Variants in COTL1 observed in about 807,000 individuals in gnomAD.
COTL1 encodes coactosin-like protein.
COTL1 carries 15 observed loss-of-function variants against 16.5 expected under a neutral mutation model. The observed-to-expected ratio is 0.91, with a 90% CI of 0.61 to 1.40. The LOEUF is 1.40. Among genes scored for constraint, COTL1 ranks in the 40% most tolerant of loss-of-function variants. The probability of loss-of-function intolerance (pLI) is 0.00; values close to 1 mark genes in which losing one functional copy is unlikely to be tolerated. For synonymous variants in COTL1, 112 were observed against 85.3 expected (o/e 1.31, Z -1.73); for missense variants, 220 against 201.5 (o/e 1.09, Z -0.56).
chr16:84,603,596 G>T (rs12927993), intron 2 of COTL1, among the ~76,000 whole-genome samples: 6 of 50,598 alleles, frequency 1.2e-4, no homozygotes, highest in Non-Finnish European at 2.3e-4. Flanking sequence ...CGCTAGGTGA[G>T]GATGATAAGG....
chr16:84,595,343 G>C (rs563003182), intron 2 of COTL1: 1 of 152,356 alleles, frequency 6.6e-6, no homozygotes, highest in Admixed American at 6.5e-5. Context: ...TTTGCTGCTA[G>C]AGATCTGGCA....
intron 3 of COTL1, chr16:84,568,845 C>A (rs1904309793): frequency 6.6e-6 from 1 of 152,178 alleles, no homozygotes. Context: ...GGTGAGGAAA[C>A]AAAGGCTGGA....
intron 3 of COTL1, among the ~76,000 whole-genome samples, chr16:84,584,116 C>T (rs1228135461): frequency 3.3e-5 from 5 of 152,206 alleles, no homozygotes; most frequent in African/African-American, 7.2e-5. Context: ...ACGATAGGAG[C>T]GAGGTTCTGT....
chr16:84,607,953 G>C (rs772589281), intron 2 of COTL1, among the ~76,000 whole-genome samples: 1 of 152,180 alleles, frequency 6.6e-6, no homozygotes, highest in Non-Finnish European at 1.5e-5. Context: ...AGAATGACAG[G>C]AGAGAGACAT....
chr16:84,583,605 C>T (rs982748475), intron 3 of COTL1, among the ~76,000 whole-genome samples: 4 of 152,136 alleles, frequency 2.6e-5, no homozygotes, highest in Non-Finnish European at 4.4e-5. Flanking sequence ...AACAGGCATG[C>T]GACACCATGC....
chr16:84,570,632 T>G (rs963388102), intron 3 of COTL1, among the ~76,000 whole-genome samples: 4 of 152,140 alleles, frequency 2.6e-5, no homozygotes, highest in African/African-American at 9.7e-5. Flanking sequence ...AAACTGAGTC[T>G]CACAAGATAA....
At chr16:84,602,741 G>C (rs551135823) in intron 2 of COTL1, among the ~76,000 whole-genome samples, 1 of 152,064 alleles carries the variant, frequency 6.6e-6, no homozygotes, top group South Asian at 2.1e-4. Flanking sequence ...TGTAATCCCA[G>C]CTACTCGGGA....
chr16:84,617,465 C>T lies in COTL1; in HGVS notation c.160+36G>A, dbSNP rs775626461. 8 of 1,542,060 alleles carry T rather than the reference C, an allele frequency of 5.2e-6. No individual in the cohort carries two copies. In the South Asian group the frequency reaches 7.2e-5, roughly 14 times the overall value. ...TCCCCGGGTGCAGACAACCTCCCAA[C>T]GACCGCGCATCCGCCCGGCAGGCGC... On this transcript the variant is annotated intron_variant, in intron 2 of 3. Transcript: ENST00000262428.
At chr16:84,570,241 A>G (rs537126895) in intron 3 of COTL1, among the ~76,000 whole-genome samples, 11 of 152,346 alleles carry the variant, frequency 7.2e-5, no homozygotes, top group African/African-American at 2.6e-4. Flanking sequence ...GCGCCACTGC[A>G]CTCCAGCCTG....
Position 84,617,872 on chromosome 16 carries a change from T to C in COTL1, c.43A>G (p.Asn15Asp). ...GCCGAGCCGTCGTCGCGCACCAGGT[T>C]GTACGCCGCCCGGCAAGCCTCTTTG... is the stretch of plus-strand genomic sequence containing the variant. ...IDKEACRAAY[N>D]LVRDDGSAVI... Residue 15 changes from asparagine (N) to aspartate (D), a missense_variant, in exon 1 of 4, where the codon AAC (asparagine) becomes GAC (aspartate). Asn to Asp is a conservative substitution (Grantham distance 23). Coordinates refer to ENST00000262428, the MANE Select transcript of COTL1 (RefSeq NM_021149.5). The C allele has an allele frequency of 6.4e-7, 1 of 1,574,344 alleles. No individual in the cohort carries two copies. The highest frequency in any genetic ancestry group is 8.6e-7 in the Non-Finnish European group (1 of 1,161,360).
At chr16:84,580,360 G>A (rs1411751055) in intron 3 of COTL1, among the ~76,000 whole-genome samples, 1 of 152,090 alleles carries the variant, frequency 6.6e-6, no homozygotes, top group African/African-American at 2.4e-5. Context: ...GACCTCCTGG[G>A]CTCAGCCTCC....
In COTL1 at chr16:84,617,458, C is replaced by G. The variant is rs1164471211; in HGVS notation, c.160+43G>C. 2.6e-6 allele frequency: 4 copies of G among 1,533,818 alleles called. No homozygotes were observed. In the South Asian group the frequency reaches 3.6e-5, roughly 14 times the overall value. On this transcript the variant is annotated intron_variant, in intron 2 of 3. Coordinates refer to ENST00000262428, the MANE Select transcript of COTL1 (RefSeq NM_021149.5). ...CCGGGGCTCCCCGGGTGCAGACAAC[C>G]TCCCAACGACCGCGCATCCGCCCGG...
intron 2 of COTL1, among the ~76,000 whole-genome samples, chr16:84,592,004 T>A (rs1448065409): frequency 6.6e-6 from 1 of 152,176 alleles, no homozygotes; most frequent in African/African-American, 2.4e-5. Flanking sequence ...TGGGGCCAGA[T>A]CATTCTCTCT....
chr16:84,583,487 T>G (rs1178051335), intron 3 of COTL1, among the ~76,000 whole-genome samples: 1 of 152,166 alleles, frequency 6.6e-6, no homozygotes, highest in Non-Finnish European at 1.5e-5. Flanking sequence ...AGACAGGGTT[T>G]TCCTCTGTCA....
intron 3 of COTL1, among the ~76,000 whole-genome samples, chr16:84,579,049 A>C (rs1904518879): frequency 6.6e-6 from 1 of 151,684 alleles, no homozygotes; most frequent in African/African-American, 2.4e-5. Flanking sequence ...GCACACACAT[A>C]CACATATATA....
intron 2 of COTL1, 25 bp downstream of exon 2, chr16:84,617,476 C>T (rs376359334): frequency 1.3e-6 from 2 of 1,547,006 alleles, no homozygotes; most frequent in Non-Finnish European, 8.7e-7. Context: ...GACCGCGCAT[C>T]CGCCCGGCAG....
At chr16:84,596,372 G>C (rs1905005218) in intron 2 of COTL1, 1 of 152,246 alleles carries the variant, frequency 6.6e-6, no homozygotes, top group Non-Finnish European at 1.5e-5. Flanking sequence ...CTAAGCCTCA[G>C]TTTCCTCATC....
intron 2 of COTL1, among the ~76,000 whole-genome samples, chr16:84,591,106 T>C (rs1486992417): frequency 6.6e-6 from 1 of 152,184 alleles, no homozygotes; most frequent in African/African-American, 2.4e-5. Context: ...ACTTTAAAAT[T>C]TGTTTCACAA....
Position 84,590,276 on chromosome 16 carries a change from C to T in COTL1, c.161-14G>A, listed in dbSNP as rs371344919. 1.3e-5 allele frequency: 21 copies of T among 1,612,524 alleles called. No individual in the cohort carries two copies. The highest frequency in any genetic ancestry group is 9.3e-5 in the African/African-American group (7 of 74,892). Reference sequence around the variant, plus strand: ...ACCGGACGTCATCTGTGGCCAAAAGCGAAAAGAGAACATGGTGCTGCGTTA... The same window carrying T: ...ACCGGACGTCATCTGTGGCCAAAAGTGAAAAGAGAACATGGTGCTGCGTTA... On this transcript the variant is annotated splice_polypyrimidine_tract_variant and intron_variant, in intron 2 of 3. Transcript: ENST00000262428. The surrounding 1 kb of genome is among the most constrained non-coding windows in gnomAD (Gnocchi z 5.5).
Sources: allele counts gnomAD v4.1 joint callset (sites outside exome capture counted in the v4.1 genomes callset), GRCh38; gene constraint gnomAD v4.1.1; non-coding constraint Gnocchi (gnomAD v3.1); transcripts MANE v1.5; gene names NCBI Gene and HGNC (gene_info 2026-07-23, HGNC 2026-07-21).